The following ZEB2 variants were observed in gnomAD, a reference collection of about 807,000 sequenced individuals.
The protein encoded by ZEB2 is zinc finger E-box binding homeobox 2.
A neutral mutation model predicts 99.9 loss-of-function variants in ZEB2; 6 were observed. The observed-to-expected ratio is 0.06, with a 90% CI of 0.03 to 0.12. ZEB2 has a LOEUF of 0.12. Ranked by LOEUF, ZEB2 falls within the 10% of genes least tolerant of loss-of-function variation. The pLI, the probability that ZEB2 is intolerant of heterozygous loss-of-function variation, is 1.00. For synonymous variants in ZEB2, 517 were observed against 542.5 expected, an observed-to-expected ratio of 0.95 and a Z score of 0.65; for missense variants, 969 against 1,502.8, an observed-to-expected ratio of 0.64 and a Z score of 5.87.
At chr2:144,512,936 C>CTAGAA in intron 2 of ZEB2, 5 of 1,287,158 alleles carry the variant, frequency 3.9e-6, no homozygotes, top group Non-Finnish European at 5.1e-6. Context: ...AACAGGCTCC[C>CTAGAA]TAGAAGCTCA....
At position 144,445,071 on chromosome 2, in the gene ZEB2, A is replaced by C. The variant is rs530357436; in HGVS notation, c.74-15045T>G. On this transcript the variant is annotated intron_variant, in intron 2 of 9. Transcript: ENST00000627532. ...TGGAAACAAGGGCTGATGAGATGGA[A>C]GCACTCCTGGAAGCCTGACAGTAAG... 6.6e-5 allele frequency: 10 copies of C among 152,328 alleles called. No homozygotes were observed. The East Asian group carries it at 1.9e-3, about 29-fold the overall frequency. 9.4% of individuals were successfully genotyped at this position (152,328 alleles called of 1,614,324 possible).
intron 6 of ZEB2, among the ~76,000 whole-genome samples, chr2:144,402,899 T>G (rs1703332206): frequency 6.6e-6 from 1 of 152,262 alleles, no homozygotes; most frequent in Non-Finnish European, 1.5e-5. Context: ...TAATCTAGTC[T>G]TATCACCATT....
intron 2 of ZEB2, among the ~76,000 whole-genome samples, chr2:144,510,722 CTCTCTCTTTCTT>C (rs1416030146): frequency 1.3e-5 from 2 of 151,786 alleles, no homozygotes; most frequent in African/African-American, 4.8e-5. Flanking sequence ...CTCTCTTTCT[CTCTCTCTTTCTT>C]TTCATCTTGG....
chr2:144,499,988 C>A (rs887653980), intron 2 of ZEB2, among the ~76,000 whole-genome samples: 6 of 152,182 alleles, frequency 3.9e-5, no homozygotes, highest in Admixed American at 1.3e-4. Context: ...ATACAGAATG[C>A]ATGGATTGAT....
At chr2:144,417,090 T>C (rs1451520621) in intron 4 of ZEB2, among the ~76,000 whole-genome samples, 3 of 152,382 alleles carry the variant, frequency 2.0e-5, no homozygotes, top group Admixed American at 2.0e-4. Context: ...TGACAGTGAC[T>C]CTTCTTTTCT....
intron 2 of ZEB2, among the ~76,000 whole-genome samples, chr2:144,440,515 ATTTTTTT>A (rs201944188): frequency 2.9e-3 from 96 of 32,776 alleles, no homozygotes; most frequent in African/African-American, 4.3e-3. Context: ...ATATATATAT[ATTTTTTT>A]TTTTTTTTTT....
intron 2 of ZEB2, among the ~76,000 whole-genome samples, chr2:144,480,857 G>T (rs1704501393): frequency 6.6e-6 from 1 of 151,922 alleles, no homozygotes; most frequent in African/African-American, 2.4e-5. Context: ...AAAGGTGATT[G>T]CATGTAAGCA....
rs377335058 is a variant in ZEB2 at position 144,452,019 on chromosome 2, C to T, written c.74-21993G>A. Among the ~76,000 whole-genome samples, 42 of 152,220 alleles carry T rather than the reference C, an allele frequency of 2.8e-4. No homozygotes were observed. The South Asian group carries it at 5.4e-3, about 20-fold the overall frequency. On this transcript the variant is annotated intron_variant, in intron 2 of 9. Coordinates refer to ENST00000627532, the MANE Select transcript of ZEB2 (RefSeq NM_014795.4). ...AGAGATGAGGAAGTTATGAAGACTG[C>T]GTGGTCACCTCTCAGCAAACCCCCC...
At chr2:144,517,171 G>GCGCCGCCGCCGC (rs1018470315) in intron 2 of ZEB2, 107 bp downstream of exon 2, 39 of 1,473,166 alleles carry the variant, frequency 2.6e-5, no homozygotes, top group Non-Finnish European at 3.6e-5. Flanking sequence ...AGAGCCCTGG[G>GCGCCGCCGCCGC]CGCCGCCGCC....
chr2:144,429,466 T>C (rs545750981), intron 3 of ZEB2: 6 of 401,250 alleles, frequency 1.5e-5, no homozygotes, highest in East Asian at 1.1e-4. Flanking sequence ...ATCTTGATCA[T>C]GTTACATAAT....
intron 2 of ZEB2, among the ~76,000 whole-genome samples, chr2:144,434,789 A>G (rs1703815873): frequency 6.6e-6 from 1 of 152,202 alleles, no homozygotes; most frequent in Non-Finnish European, 1.5e-5. Context: ...TTCCTGCAAT[A>G]GTTTGGAAAC....
intron 2 of ZEB2, among the ~76,000 whole-genome samples, chr2:144,440,511 ATATATTTTTTTTTTTTTTTTTTTTT>A (rs1412000789): frequency 2.3e-4 from 7 of 30,260 alleles, no homozygotes; most frequent in Middle Eastern, 0.014. Flanking sequence ...ATATATATAT[ATATATTTTTTTTTTTTTTTTTTTTT>A]TTTTTTAACT....
chr2:144,488,015 C>T (rs1433511471), intron 2 of ZEB2, among the ~76,000 whole-genome samples: 1 of 152,180 alleles, frequency 6.6e-6, no homozygotes, highest in Non-Finnish European at 1.5e-5. Context: ...ATCTGAGCTG[C>T]TGTCTCCATG....
chr2:144,503,338 G>A (rs1704901236), intron 2 of ZEB2, among the ~76,000 whole-genome samples: 1 of 152,144 alleles, frequency 6.6e-6, no homozygotes, highest in Admixed American at 6.5e-5. Flanking sequence ...CTGTGACAAG[G>A]CCAATATGCA....
At chr2:144,513,934 C>A in intron 2 of ZEB2, 1 of 1,460,986 alleles carries the variant, frequency 6.8e-7, no homozygotes, top group East Asian at 2.5e-5. Flanking sequence ...TTCTTGAAAC[C>A]GACACACATT....
intron 2 of ZEB2, chr2:144,463,373 A>G (rs751760775): frequency 5.3e-5 from 8 of 152,196 alleles, no homozygotes; most frequent in Non-Finnish European, 1.2e-4. Context: ...AGCCAAAGCA[A>G]ATCATAAGAA....
chr2:144,411,965 C>T (rs537897046), intron 4 of ZEB2, among the ~76,000 whole-genome samples: 3 of 152,308 alleles, frequency 2.0e-5, no homozygotes, highest in Non-Finnish European at 4.4e-5. Context: ...GAGTCCATTA[C>T]TTTTTTAAAA....
chr2:144,409,667 T>A (rs1427245952), intron 4 of ZEB2, among the ~76,000 whole-genome samples: 3 of 152,194 alleles, frequency 2.0e-5, no homozygotes, highest in Non-Finnish European at 4.4e-5. Flanking sequence ...TAAGGTTAGA[T>A]AACCTTTTCT....
intron 2 of ZEB2, among the ~76,000 whole-genome samples, chr2:144,431,623 A>G (rs1398651973): frequency 1.3e-5 from 2 of 151,988 alleles, no homozygotes; most frequent in African/African-American, 4.8e-5. Context: ...AGGTGTGACC[A>G]CAAGGGCTTA....
Sources: allele counts gnomAD v4.1 joint callset (sites outside exome capture counted in the v4.1 genomes callset), GRCh38; gene constraint gnomAD v4.1.1; transcripts MANE v1.5; gene names NCBI Gene and HGNC (gene_info 2026-07-23, HGNC 2026-07-21).